Variants in CATSPERE observed in about 807,000 individuals in gnomAD.
The protein encoded by CATSPERE is catsper channel auxiliary subunit epsilon.
CATSPERE carries 93 observed loss-of-function variants against 114.1 expected under a neutral mutation model. That is an observed-to-expected ratio of 0.81 (90% CI 0.69 to 0.97). CATSPERE has a LOEUF of 0.97. CATSPERE is among the 50% of genes least tolerant of loss of function. The pLI, the probability that CATSPERE is intolerant of heterozygous loss-of-function variation, is 0.00. For synonymous variants in CATSPERE, 341 were observed against 384.1 expected, an observed-to-expected ratio of 0.89 and a Z score of 1.31; for missense variants, 1,058 against 1,131.6, an observed-to-expected ratio of 0.93 and a Z score of 0.93.
At chr1:244,567,887 C>T (rs939956090) in intron 10 of CATSPERE, among the ~76,000 whole-genome samples, 19 of 151,926 alleles carry the variant, frequency 1.3e-4, no homozygotes, top group African/African-American at 3.4e-4. Context: ...CCCTTGCTCA[C>T]GAGGAGTTGT....
chr1:244,533,376 A>C (rs1477448776), intron 8 of CATSPERE, among the ~76,000 whole-genome samples: 1 of 152,042 alleles, frequency 6.6e-6, no homozygotes, highest in African/African-American at 2.4e-5. Flanking sequence ...TTGATAAGTA[A>C]GGATGTACTC....
At chr1:244,490,317 A>G (rs1234029354) in intron 5 of CATSPERE, 130 bp from the exon 6 acceptor site, 1 of 564,430 alleles carries the variant, frequency 1.8e-6, no homozygotes, top group Non-Finnish European at 3.1e-6. Context: ...TTAGCCTTTA[A>G]TTTTATATAC....
Position 244,561,261 on chromosome 1 carries a change from C to T in CATSPERE, c.1507+116C>T, listed in dbSNP as rs1662519142. 1.0e-5 allele frequency: 7 copies of T among 696,532 alleles called. No homozygotes were observed. The South Asian group carries it at 1.3e-4, about 12-fold the overall frequency. The allele number at this position is 696,532 out of a possible 1,614,324, so 43.1% of individuals were successfully genotyped here. A position where few individuals can be genotyped will look rare whatever the true frequency, so the allele number is the denominator to read the frequency against. ...GTGGCGTTTTTGGCAGCCAAAGGTGCACTTCTTATCACCTACAAATGAATT... is the reference window on the plus strand; with the variant it reads ...GTGGCGTTTTTGGCAGCCAAAGGTGTACTTCTTATCACCTACAAATGAATT... On this transcript the variant is annotated intron_variant, in intron 10 of 21. Coordinates refer to ENST00000366534, the MANE Select transcript of CATSPERE (RefSeq NM_001130957.2).
In CATSPERE at chr1:244,617,702, A is replaced by C. The variant is rs1671570931; in HGVS notation, c.2648+16A>C. ...CAAACTATAGGTGAATATATGTGTT[A>C]CTGTAATAGTGTTAGCATTAGTTCT... On this transcript the variant is annotated intron_variant, in intron 20 of 21. Transcript: ENST00000366534. 1 of 1,516,108 alleles carries C rather than the reference A, an allele frequency of 6.6e-7. No individual in the cohort carries two copies. 93.9% of individuals were successfully genotyped at this position (1,516,108 alleles called of 1,614,324 possible).
intron 7 of CATSPERE, among the ~76,000 whole-genome samples, chr1:244,505,986 A>G (rs1334080781): frequency 6.6e-6 from 1 of 152,204 alleles, no homozygotes; most frequent in Admixed American, 6.5e-5. Flanking sequence ...AGCCTGGGTG[A>G]CAGAGCGAGA....
rs1437468678 is a variant in CATSPERE at position 244,573,997 on chromosome 1, A to G, written c.1950+1225A>G. Among the ~76,000 whole-genome samples the G allele has an allele frequency of 6.6e-6, 1 of 152,212 alleles. No individual in the cohort carries two copies. Among genetic ancestry groups the G allele is most frequent in the Admixed American group, 6.5e-5 (1 of 15,288 alleles). On this transcript the variant is annotated intron_variant, in intron 11 of 21. Coordinates refer to ENST00000366534, the MANE Select transcript of CATSPERE (RefSeq NM_001130957.2). This position sits in a 1 kb window ranked among gnomAD's most constrained non-coding sequence, Gnocchi z 4.0. ...AAGGGTGCTCCTCACAGATGGAACA[A>G]TGGCAAGAGTGCACCTGAATAAAGG...
chr1:244,471,453 A>T (rs1161886232), intron 2 of CATSPERE, among the ~76,000 whole-genome samples: 1 of 152,224 alleles, frequency 6.6e-6, no homozygotes, highest in Non-Finnish European at 1.5e-5. Context: ...TTGGCAATGC[A>T]TACAGTTGCG....
intron 1 of CATSPERE, among the ~76,000 whole-genome samples, chr1:244,454,858 C>T (rs1362580578): frequency 6.6e-6 from 1 of 151,990 alleles, no homozygotes; most frequent in Non-Finnish European, 1.5e-5. Flanking sequence ...CTTTTCAAGC[C>T]GGCTTGGCAG....
At chr1:244,492,950 AC>A (rs1339104019) in intron 6 of CATSPERE, among the ~76,000 whole-genome samples, 1 of 150,948 alleles carries the variant, frequency 6.6e-6, no homozygotes. Context: ...AAAAGAGGAT[AC>A]AAAGAAATGG....
At chr1:244,589,520 C>T (rs1667448345) in intron 14 of CATSPERE, among the ~76,000 whole-genome samples, 1 of 152,128 alleles carries the variant, frequency 6.6e-6, no homozygotes, top group African/African-American at 2.4e-5. Flanking sequence ...CATCTTTGCT[C>T]CTTAGAGTAT....
intron 13 of CATSPERE, among the ~76,000 whole-genome samples, chr1:244,587,340 T>C (rs1361257687): frequency 1.3e-5 from 2 of 152,258 alleles, no homozygotes; most frequent in African/African-American, 2.4e-5. Context: ...AATATACTTA[T>C]TGCATCAGAT....
chr1:244,587,341 T>C (rs1478370980), intron 13 of CATSPERE, among the ~76,000 whole-genome samples: 1 of 152,248 alleles, frequency 6.6e-6, no homozygotes, highest in Non-Finnish European at 1.5e-5. Context: ...ATATACTTAT[T>C]GCATCAGATT....
chr1:244,557,977 G>T lies in CATSPERE; in HGVS notation c.1030-2691G>T, dbSNP rs182698848. Among the ~76,000 whole-genome samples the T allele has an allele frequency of 2.4e-3, 363 of 151,728 alleles. 3 individuals are homozygous for T. Among genetic ancestry groups the T allele is most frequent in the African/African-American group, 8.3e-3 (343 of 41,390 alleles). On this transcript the variant is annotated intron_variant, in intron 9 of 21. Transcript: ENST00000366534. ...TGCATCTGAGTTTTTTTCAGACAGG[G>T]TCTCACTCTGCCACCCAGGCTGGAG...
intron 2 of CATSPERE, among the ~76,000 whole-genome samples, chr1:244,470,383 T>C (rs1264017977): frequency 6.6e-6 from 1 of 152,178 alleles, no homozygotes; most frequent in East Asian, 1.9e-4. Context: ...GGATCTGAAT[T>C]GTCATTTCTC....
In CATSPERE at chr1:244,553,583, A is replaced by C. The variant is rs1406811946; in HGVS notation, c.1029+769A>C. On this transcript the variant is annotated intron_variant, in intron 9 of 21. Transcript: ENST00000366534. ...GCGACAGAGCGAGACCCCGTCTCAA[A>C]AAAAAAAAAAAAAAAAAATACACAC... 9.1e-5 allele frequency among the ~76,000 whole-genome samples: 9 copies of C among 98,920 alleles called. No homozygotes were observed. The East Asian group carries it at 2.0e-3, about 21-fold the overall frequency. 64.9% of individuals were successfully genotyped at this position (98,920 alleles called of 152,430 possible). A position where few individuals can be genotyped will look rare whatever the true frequency, so the allele number is the denominator to read the frequency against.
intron 8 of CATSPERE, among the ~76,000 whole-genome samples, chr1:244,539,104 C>T (rs2148448884): frequency 6.6e-6 from 1 of 152,316 alleles, no homozygotes; most frequent in South Asian, 2.1e-4. Flanking sequence ...GCATCTGGCC[C>T]TACTCAACAG....
At chr1:244,554,867 TA>T (rs776171862) in intron 9 of CATSPERE, among the ~76,000 whole-genome samples, 1 of 151,892 alleles carries the variant, frequency 6.6e-6, no homozygotes, top group African/African-American at 2.4e-5. Flanking sequence ...CTGATGCACA[TA>T]AAACACAAAA....
intron 9 of CATSPERE, among the ~76,000 whole-genome samples, chr1:244,560,409 G>A (rs372213472): frequency 1.3e-5 from 2 of 151,174 alleles, no homozygotes; most frequent in Non-Finnish European, 2.9e-5. Flanking sequence ...GGGCGGGGGT[G>A]GGGGGGCAGG....
intron 7 of CATSPERE, among the ~76,000 whole-genome samples, chr1:244,509,336 A>G (rs1675335194): frequency 6.6e-6 from 1 of 151,936 alleles, no homozygotes; most frequent in African/African-American, 2.4e-5. Context: ...TAAGACAATC[A>G]TATGGTTTTT....
Sources: allele counts gnomAD v4.1 joint callset (sites outside exome capture counted in the v4.1 genomes callset), GRCh38; gene constraint gnomAD v4.1.1; non-coding constraint Gnocchi (gnomAD v3.1); transcripts MANE v1.5; gene names NCBI Gene and HGNC (gene_info 2026-07-23, HGNC 2026-07-21).